Variants in MAML3 observed in about 807,000 individuals in gnomAD.
MAML3 encodes the protein mastermind like transcriptional coactivator 3.
Under a neutral mutation model 101.9 loss-of-function variants are expected in MAML3, and 27 were observed. The observed-to-expected ratio is 0.27, with a 90% CI of 0.20 to 0.37. The LOEUF is 0.37. Ranked by LOEUF, MAML3 falls within the 10% of genes least tolerant of loss-of-function variation. MAML3 has a pLI of 1.00. For synonymous variants in MAML3, 501 were observed against 555.9 expected (o/e 0.90, Z 1.39); for missense variants, 1,316 against 1,444.9 (o/e 0.91, Z 1.45).
chr4:139,807,078 T>A (rs561055253), intron 2 of MAML3, among the ~76,000 whole-genome samples: 1 of 152,326 alleles, frequency 6.6e-6, no homozygotes, highest in South Asian at 2.1e-4. Flanking sequence ...AGAGACAATA[T>A]ACGTTCAGTG....
chr4:139,719,017 C>A lies in MAML3; in HGVS notation c.*306G>T. ...AGCAGCTCCTGCTGGGCCAGGCGAT[C>A]ACAGGGCATGCTGGGCAGAGGGGCT... On this transcript the variant is annotated 3_prime_UTR_variant, in exon 5 of 5. Transcript: ENST00000509479. 3.2e-6 allele frequency: 1 copy of A among 316,732 alleles called. No homozygotes were observed. The highest frequency in any genetic ancestry group is 6.1e-5 in the South Asian group (1 of 16,394). 19.6% of individuals were successfully genotyped at this position (316,732 alleles called of 1,614,324 possible). A position where few individuals can be genotyped will look rare whatever the true frequency, so the allele number is the denominator to read the frequency against.
intron 2 of MAML3, among the ~76,000 whole-genome samples, chr4:139,777,881 T>G (rs1423374080): frequency 1.3e-5 from 2 of 152,226 alleles, no homozygotes; most frequent in African/African-American, 4.8e-5. Flanking sequence ...TGAGCCACAT[T>G]GACCTTCTTG....
At chr4:139,772,935 A>G (rs1022809400) in intron 2 of MAML3, among the ~76,000 whole-genome samples, 2 of 151,498 alleles carry the variant, frequency 1.3e-5, no homozygotes, top group Non-Finnish European at 2.9e-5. Flanking sequence ...AAAAAAGAAT[A>G]AAGTATCAGT....
intron 2 of MAML3, among the ~76,000 whole-genome samples, chr4:139,875,976 T>C (rs1286835174): frequency 1.4e-5 from 2 of 145,794 alleles, no homozygotes; most frequent in East Asian, 2.0e-4. Flanking sequence ...ACTTTTCTGA[T>C]CACAGAACTG....
At position 140,054,551 on chromosome 4, in the gene MAML3, C is replaced by T. The variant is rs376739788; in HGVS notation, c.468+98309G>A. ...CATTATCTGCCTAAGATGCCTTGCA[C>T]CTCTCCTGTTTTCACACGTTTGTTG... On this transcript the variant is annotated intron_variant, in intron 1 of 4. Transcript: ENST00000509479. 3.5e-4 allele frequency among the ~76,000 whole-genome samples: 54 copies of T among 152,252 alleles called. 1 individual carries two copies. The highest frequency in any genetic ancestry group is 1.2e-3 in the African/African-American group (48 of 41,562).
chr4:140,093,895 C>T (rs4464515), intron 1 of MAML3, among the ~76,000 whole-genome samples: 4,004 of 152,226 alleles, frequency 0.026, 131 homozygotes, highest in African/African-American at 0.072. Flanking sequence ...GGAGTGCATT[C>T]GGTCTGGCCG....
At chr4:140,075,608 C>T (rs751051615) in intron 1 of MAML3, among the ~76,000 whole-genome samples, 2 of 152,198 alleles carry the variant, frequency 1.3e-5, no homozygotes, top group African/African-American at 4.8e-5. Context: ...GCTATCATAA[C>T]TCACTGCAGC....
intron 2 of MAML3, among the ~76,000 whole-genome samples, chr4:139,804,269 A>G (rs1578609339): frequency 6.8e-6 from 1 of 146,756 alleles, no homozygotes; most frequent in African/African-American, 2.5e-5. Context: ...CTCACTAAGG[A>G]TTTTTTTTTT....
chr4:139,719,040 G>A lies in MAML3; in HGVS notation c.*283C>T, dbSNP rs1039907905. The A allele has an allele frequency of 2.8e-5, 11 of 399,926 alleles. No homozygotes were observed. Among genetic ancestry groups the A allele is most frequent in the African/African-American group, 2.2e-4 (11 of 49,164 alleles). 24.8% of individuals were successfully genotyped at this position (399,926 alleles called of 1,614,324 possible). On this transcript the variant is annotated 3_prime_UTR_variant, in exon 5 of 5. Coordinates refer to ENST00000509479, the MANE Select transcript of MAML3 (RefSeq NM_018717.5). ...ATCACAGGGCATGCTGGGCAGAGGG[G>A]CTCTGGCCGGCTTCATCTTCCCACC... is the stretch of plus-strand genomic sequence containing the variant.
intron 1 of MAML3, among the ~76,000 whole-genome samples, chr4:139,962,864 C>G (rs190021905): frequency 7.1e-4 from 108 of 151,892 alleles, no homozygotes; most frequent in African/African-American, 2.4e-3. Flanking sequence ...GGTTAACCCT[C>G]TTGTTACATG....
chr4:140,038,825 A>T (rs562373992), intron 1 of MAML3, among the ~76,000 whole-genome samples: 1 of 152,322 alleles, frequency 6.6e-6, no homozygotes, highest in South Asian at 2.1e-4. Context: ...ACTTCTGCAT[A>T]TACAGGAATA....
In MAML3 at chr4:139,842,019, C is replaced by A. The variant is rs913748540; in HGVS notation, c.2079+47338G>T. ...AAGTCCAGGGCCAGCAACCCCCATT[C>A]TTCCTGGTATCAGAGTGGAGCCAGA... On this transcript the variant is annotated intron_variant, in intron 2 of 4. Transcript: ENST00000509479. 4.6e-5 allele frequency among the ~76,000 whole-genome samples: 7 copies of A among 152,332 alleles called. No homozygotes were observed. In the East Asian group the frequency reaches 1.4e-3, roughly 29 times the overall value.
intron 2 of MAML3, among the ~76,000 whole-genome samples, chr4:139,804,559 G>A (rs1294228114): frequency 2.6e-5 from 4 of 152,078 alleles, no homozygotes; most frequent in Admixed American, 2.6e-4. Flanking sequence ...GAGCCACAGC[G>A]CCAAGCCTCA....
rs781392442 is a variant in MAML3, at chr4:139,890,388, G to A, written c.1048C>T (p.Leu350Phe). ...EFSQPATETP[L>F]SQESASVKSD... ...TTCACGCTCGCACTCTCCTGGGAGA[G>A]AGGGGTCTCAGTTGCTGGCTGCGAG... Residue 350 changes from leucine to phenylalanine, a missense_variant, in exon 2 of 5, where the codon CTC becomes TTC. Transcript: ENST00000509479. This position sits in a 1 kb window ranked among gnomAD's most constrained non-coding sequence, Gnocchi z 4.1. 1.9e-6 allele frequency: 3 copies of A among 1,603,596 alleles called. No homozygotes were observed. Among genetic ancestry groups the A allele is most frequent in the Non-Finnish European group, 2.6e-6 (3 of 1,173,310 alleles).
intron 1 of MAML3, among the ~76,000 whole-genome samples, chr4:140,107,175 A>C (rs1277464221): frequency 6.6e-6 from 1 of 152,132 alleles, no homozygotes; most frequent in African/African-American, 2.4e-5. Flanking sequence ...CCAGCCAAAG[A>C]GTGGTATTTT....
chr4:139,867,891 C>T (rs1731929858), intron 2 of MAML3, among the ~76,000 whole-genome samples: 2 of 152,196 alleles, frequency 1.3e-5, no homozygotes, highest in Admixed American at 1.3e-4. Context: ...TGTGGGATGG[C>T]CTGGCTGCCC....
At chr4:139,887,163 A>C (rs1208255007) in intron 2 of MAML3, among the ~76,000 whole-genome samples, 1 of 152,230 alleles carries the variant, frequency 6.6e-6, no homozygotes, top group Non-Finnish European at 1.5e-5. Flanking sequence ...CTATTCTGAG[A>C]ACTATGTAAA....
At chr4:140,097,845 T>C (rs1728188877) in intron 1 of MAML3, among the ~76,000 whole-genome samples, 1 of 152,232 alleles carries the variant, frequency 6.6e-6, no homozygotes, top group Non-Finnish European at 1.5e-5. Flanking sequence ...TTTCCAATAC[T>C]GTGTTTCCAC....
chr4:140,133,344 T>C (rs1380546762), intron 1 of MAML3, among the ~76,000 whole-genome samples: 2 of 152,210 alleles, frequency 1.3e-5, no homozygotes, highest in Admixed American at 6.5e-5. Context: ...TAAAGCTATC[T>C]GATTGGCTTA....
Sources: gnomAD v4.1 joint callset for allele counts (sites outside exome capture counted in the v4.1 genomes callset) on GRCh38, gnomAD v4.1.1 for gene constraint, Gnocchi (gnomAD v3.1) non-coding constraint, MANE v1.5 for transcripts, NCBI Gene and HGNC (gene_info 2026-07-23, HGNC 2026-07-21) for gene names.